The following RIBC1 variants were observed in gnomAD, a reference collection of about 807,000 sequenced individuals.
RIBC1 encodes RIB43A domain with coiled-coils 1.
In RIBC1, 12 loss-of-function variants were observed where a neutral mutation model predicts 33.7. That is an observed-to-expected ratio of 0.36 (90% CI 0.23 to 0.58). RIBC1 has a LOEUF of 0.58. Among genes scored for constraint, RIBC1 ranks in the 20% least tolerant of loss-of-function variants. RIBC1 has a pLI of 0.81. For synonymous variants in RIBC1, 89 were observed against 109.0 expected (o/e 0.82, Z 1.14); for missense variants, 242 against 311.6 (o/e 0.78, Z 1.68).
Position 53,431,113 on chromosome X carries a change from C to A in RIBC1, c.*125C>A. On this transcript the variant is annotated 3_prime_UTR_variant, in exon 8 of 8. Transcript: ENST00000375327. Reference sequence around the variant, plus strand: ...GGTAATAAAGTTCTGCACTCAAAATCAAGTCCACATGTTGTAACAGGACAC... The same window carrying A: ...GGTAATAAAGTTCTGCACTCAAAATAAAGTCCACATGTTGTAACAGGACAC... The A allele has an allele frequency of 9.7e-7, 1 of 1,027,271 alleles. No individual in the cohort carries two copies. Among genetic ancestry groups the A allele is most frequent in the South Asian group, 2.2e-5 (1 of 46,380 alleles). The allele number at this position is 1,027,271 out of a possible 1,213,427, so 84.7% of individuals were successfully genotyped here. A position where few individuals can be genotyped will look rare whatever the true frequency, so the allele number is the denominator to read the frequency against.
At chrX:53,426,000 C>G (rs1337703143) in intron 2 of RIBC1, among the ~76,000 whole-genome samples, 1 of 111,897 alleles carries the variant, frequency 8.9e-6, no homozygotes, top group Non-Finnish European at 1.9e-5. Context: ...AAAGATCACT[C>G]TGGTAGCCAG....
At chrX:53,428,813 A>G (rs955852643) in intron 5 of RIBC1, 186 bp downstream of exon 5, 10 of 1,075,593 alleles carry the variant, frequency 9.3e-6, no homozygotes, top group Non-Finnish European at 1.2e-5. Context: ...ACAGTGTAGC[A>G]TTGTTCTTGA....
intron 5 of RIBC1, chrX:53,429,537 A>G (rs2075810780): frequency 3.5e-6 from 1 of 288,707 alleles, no homozygotes. Context: ...ATTTAATTCG[A>G]TGGTATCATT....
In RIBC1 at chrX:53,430,426, G is replaced by A; in HGVS notation, c.694G>A (p.Glu232Lys). Residue 232 changes from glutamate to lysine, a missense_variant, in exon 7 of 8, where the codon GAG becomes AAG. Glu to Lys is a moderately conservative substitution (Grantham distance 56). Coordinates refer to ENST00000375327, the MANE Select transcript of RIBC1 (RefSeq NM_001031745.5). ...AAVQAGRQRC[E>K]RQREQKANLA... ...TGTGCAGGCTGGGCGTCAGCGCTGTGAGCGTCAGCGTGAACAGAAGGCCAA... is the reference window on the plus strand; with the variant it reads ...TGTGCAGGCTGGGCGTCAGCGCTGTAAGCGTCAGCGTGAACAGAAGGCCAA... 2 of 1,211,295 alleles carry A rather than the reference G, an allele frequency of 1.7e-6. No individual in the cohort carries two copies. Among genetic ancestry groups the A allele is most frequent in the South Asian group, 3.5e-5 (2 of 56,954 alleles).
Position 53,429,897 on chromosome X carries a change from C to T in RIBC1, c.588C>T (p.Ala196=). 1 of 1,211,681 alleles carries T rather than the reference C, an allele frequency of 8.3e-7. No homozygotes were observed. The highest frequency in any genetic ancestry group is 1.1e-6 in the Non-Finnish European group (1 of 895,105). The part of the protein sequence containing the change: ...NQLRLAMDAQ[A]THLARLEESC... ...TGCGCCTCGCCATGGATGCACAGGC[C>T]ACCCATCTGGCCAGGCTGGAGGAGT... The change falls in exon 6 of 8, where the codon GCC becomes GCT. Residue 196 remains alanine, a synonymous_variant. Coordinates refer to ENST00000375327, the MANE Select transcript of RIBC1 (RefSeq NM_001031745.5).
Position 53,428,094 on chromosome X carries a change from A to C in RIBC1, c.199+10A>C, listed in dbSNP as rs1556893516. The C allele has an allele frequency of 8.3e-7, 1 of 1,208,780 alleles. No individual in the cohort carries two copies. The highest frequency in any genetic ancestry group is 2.2e-5 in the Admixed American group (1 of 46,022). On this transcript the variant is annotated intron_variant, in intron 4 of 7. Coordinates refer to ENST00000375327, the MANE Select transcript of RIBC1 (RefSeq NM_001031745.5). The stretch of plus-strand genomic sequence containing the variant: ...AAGGAGGCAGCTTATGGTAAAAGCC[A>C]AAAGCCAGGGGCCAGACAAGGGTGT...
chrX:53,425,759 T>C (rs1195588372), intron 2 of RIBC1, among the ~76,000 whole-genome samples: 5 of 111,472 alleles, frequency 4.5e-5, no homozygotes, highest in Non-Finnish European at 5.6e-5. Flanking sequence ...CCGGAGCAAC[T>C]TGGTGAATGG....
At chrX:53,426,031 A>G (rs191966513) in intron 2 of RIBC1, among the ~76,000 whole-genome samples, 1 of 112,195 alleles carries the variant, frequency 8.9e-6, no homozygotes, top group African/African-American at 3.2e-5. Context: ...TCCAGTGCAG[A>G]GAGGGTAACG....
chrX:53,430,415 G>A lies in RIBC1; in HGVS notation c.683G>A (p.Arg228His), dbSNP rs782420068. ...CACCAGGCAGCTGTGCAGGCTGGGC[G>A]TCAGCGCTGTGAGCGTCAGCGTGAA... is the stretch of plus-strand genomic sequence containing the variant. Reference protein sequence around the residue: ...NKAQAAVQAGRQRCERQREQK... With the variant: ...NKAQAAVQAGHQRCERQREQK... The change falls in exon 7 of 8, where the codon CGT becomes CAT. Residue 228 changes from arginine (R) to histidine (H), a missense_variant. Coordinates refer to ENST00000375327, the MANE Select transcript of RIBC1 (RefSeq NM_001031745.5). 3.8e-5 allele frequency: 46 copies of A among 1,209,046 alleles called. No individual in the cohort carries two copies. The highest frequency in any genetic ancestry group is 3.4e-5 in the Non-Finnish European group (30 of 894,407).
intron 2 of RIBC1, among the ~76,000 whole-genome samples, chrX:53,425,958 G>A (rs781857601): frequency 8.9e-6 from 1 of 111,908 alleles, no homozygotes; most frequent in Non-Finnish European, 1.9e-5. Context: ...AAGGCTTTAC[G>A]CTGAGGAGTG....
At chrX:53,430,156 G>A (rs2075815007) in intron 6 of RIBC1, among the ~76,000 whole-genome samples, 184 bp downstream of exon 6, 1 of 112,404 alleles carries the variant, frequency 8.9e-6, no homozygotes, top group Admixed American at 9.4e-5. Flanking sequence ...ACCTCCAGAA[G>A]CAGGATGACT....
At position 53,428,405 on chromosome X, in the gene RIBC1, G is replaced by A. The variant is rs141300771; in HGVS notation, c.322G>A (p.Gly108Arg). 4.3e-5 allele frequency: 52 copies of A among 1,209,363 alleles called. No individual in the cohort carries two copies. The African/African-American group carries it at 8.0e-4, about 19-fold the overall frequency. ...FREQKQQLKN[G>R]REFSLWDPGQ... Reference sequence around the variant, plus strand: ...GGAGCAGAAGCAGCAGCTCAAGAACGGGCGTGAATTTAGTCTTTGGGATCC... The same window carrying A: ...GGAGCAGAAGCAGCAGCTCAAGAACAGGCGTGAATTTAGTCTTTGGGATCC... Residue 108 changes from glycine (G) to arginine (R), a missense_variant, in exon 5 of 8, where the codon GGG becomes AGG. Transcript: ENST00000375327.
chrX:53,429,564 C>A (rs1395226490), intron 5 of RIBC1: 13 of 474,888 alleles, frequency 2.7e-5, no homozygotes, highest in Middle Eastern at 8.2e-4. Flanking sequence ...CAGCACATGG[C>A]CCTTAGACTG....
chrX:53,425,740 G>A (rs782312080), intron 2 of RIBC1, among the ~76,000 whole-genome samples: 1 of 111,277 alleles, frequency 9.0e-6, no homozygotes, highest in African/African-American at 3.3e-5. Context: ...ATGTCTCCTA[G>A]GTTTTTGACC....
chrX:53,429,907 G>T lies in RIBC1; in HGVS notation c.598G>T (p.Ala200Ser). ...LAMDAQATHL[A>S]RLEESCRAAM... ...CATGGATGCACAGGCCACCCATCTG[G>T]CCAGGCTGGAGGAGTCCTGTCGTGC... Residue 200 changes from alanine to serine, a missense_variant, in exon 6 of 8, where the codon GCC (alanine) becomes TCC (serine). Ala to Ser is a moderately conservative substitution (Grantham distance 99, BLOSUM62 1). Transcript: ENST00000375327. 8.3e-7 allele frequency: 1 copy of T among 1,211,693 alleles called. No individual in the cohort carries two copies. The highest frequency in any genetic ancestry group is 1.1e-6 in the Non-Finnish European group (1 of 895,130).
In RIBC1 at chrX:53,430,530, C is replaced by A. The variant is rs781988542; in HGVS notation, c.798C>A (p.Pro266=). The A allele has an allele frequency of 4.1e-6, 5 of 1,208,670 alleles. No homozygotes were observed. The highest frequency in any genetic ancestry group is 1.1e-6 in the Non-Finnish European group (1 of 893,840). The stretch of plus-strand genomic sequence containing the variant: ...AGGTCGCCCAACACCCTATGGCTCC[C>A]TACCGGGTCCTGCCCTATTGCTGGA... ...NPQVAQHPMA[P]YRVLPYCWKG... Residue 266 remains proline, a synonymous_variant, in exon 7 of 8, where the codon CCC becomes CCA. Transcript: ENST00000375327.
rs372516041 is a variant in RIBC1, at chrX:53,430,730, C to T, written c.998C>T (p.Ala333Val). 15 of 1,203,773 alleles carry T rather than the reference C, an allele frequency of 1.2e-5. No homozygotes were observed. The highest frequency in any genetic ancestry group is 1.6e-5 in the Non-Finnish European group (14 of 890,938). The stretch of plus-strand genomic sequence containing the variant: ...GAAGAGCAGGAGAGGGAATTGTGTG[C>T]TGTATTTCAAAGGGGTCTAGGATCC... ...ELEEQERELC[A>V]VFQRGLGSFN... The change falls in exon 7 of 8, where the codon GCT (alanine) becomes GTT (valine). Residue 333 changes from alanine to valine, a missense_variant. Transcript: ENST00000375327.
chrX:53,430,867 G>A (rs782415006), intron 7 of RIBC1, 40 bp from the exon 8 acceptor site: 1 of 1,210,329 alleles, frequency 8.3e-7, no homozygotes, highest in South Asian at 1.8e-5. Context: ...ATGGAGAGAG[G>A]GAAAGCATGT....
At chrX:53,427,432 T>C (rs1264012) in intron 3 of RIBC1, among the ~76,000 whole-genome samples, 48,538 of 111,279 alleles carry the variant, frequency 0.44, 9,366 homozygotes, top group Non-Finnish European at 0.59. Context: ...GAGATCCAGC[T>C]GACAAGCTGA....
Sources: gnomAD v4.1 joint callset for allele counts (sites outside exome capture counted in the v4.1 genomes callset) on GRCh38, gnomAD v4.1.1 for gene constraint, MANE v1.5 for transcripts, NCBI Gene and HGNC (gene_info 2026-07-23, HGNC 2026-07-21) for gene names.